SAA4: variants seen among roughly 807,000 people sequenced by gnomAD.
SAA4 encodes serum amyloid A4, constitutive.
A neutral mutation model predicts 11.2 loss-of-function variants in SAA4; 8 were observed. The ratio of observed to expected loss-of-function variants is 0.71; its 90% CI spans 0.42 to 1.29. The LOEUF (loss-of-function observed/expected upper bound fraction) is 1.29, where lower values mean the gene tolerates loss of function less well. SAA4 is among the 50% of genes most tolerant of loss of function. The pLI, the probability that SAA4 is intolerant of heterozygous loss-of-function variation, is 0.01. For synonymous variants in SAA4, 60 were observed against 56.2 expected, an observed-to-expected ratio of 1.07 and a Z score of -0.30; for missense variants, 171 against 164.2, an observed-to-expected ratio of 1.04 and a Z score of -0.23.
intron 2 of SAA4, among the ~76,000 whole-genome samples, chr11:18,232,734 T>A (rs529204490): frequency 1.3e-5 from 2 of 152,232 alleles, no homozygotes; most frequent in East Asian, 3.8e-4. Flanking sequence ...TACATTGAAT[T>A]GTATTGGTTG....
chr11:18,231,790 T>C (rs1367952022), intron 3 of SAA4, 126 bp from the exon 4 acceptor site: 2 of 1,226,050 alleles, frequency 1.6e-6, no homozygotes, highest in Non-Finnish European at 2.2e-6. Flanking sequence ...GCTGGAAAAC[T>C]CAAGGAAAGG....
At chr11:18,232,655 T>C in intron 2 of SAA4, 122 bp from the exon 3 acceptor site, 1 of 1,417,008 alleles carries the variant, frequency 7.1e-7, no homozygotes, top group Non-Finnish European at 9.5e-7. Flanking sequence ...AAATCATACG[T>C]GGAGATAAAC....
At chr11:18,233,780 G>A (rs1293914634) in intron 2 of SAA4, among the ~76,000 whole-genome samples, 1 of 151,678 alleles carries the variant, frequency 6.6e-6, no homozygotes, top group Admixed American at 6.6e-5. Context: ...CTCCCAAAGT[G>A]CTGGGATTAC....
At chr11:18,234,505 C>A (rs932042394) in intron 2 of SAA4, among the ~76,000 whole-genome samples, 1 of 152,180 alleles carries the variant, frequency 6.6e-6, no homozygotes, top group Non-Finnish European at 1.5e-5. Context: ...AAATGTCTAT[C>A]AGTGCCTGTG....
chr11:18,235,750 C>T (rs1857199015), intron 2 of SAA4, 86 bp downstream of exon 2: 1 of 1,366,444 alleles, frequency 7.3e-7, no homozygotes, highest in Non-Finnish European at 1.0e-6. Flanking sequence ...TGTGGCTTCT[C>T]TAAGGAGCAC....
At chr11:18,232,332 C>T (rs1306832244) in intron 3 of SAA4, 63 bp downstream of exon 3, 1 of 1,577,090 alleles carries the variant, frequency 6.3e-7, no homozygotes, top group Non-Finnish European at 8.6e-7. Context: ...ACAGGTTCTC[C>T]TGACTCTCAA....
At chr11:18,232,363 C>T (rs749572001) in intron 3 of SAA4, 32 bp downstream of exon 3, 14 of 1,610,244 alleles carry the variant, frequency 8.7e-6, no homozygotes, top group Non-Finnish European at 1.1e-5. Flanking sequence ...CACTGCTGGC[C>T]TCTCACTGGA....
Sources: allele counts gnomAD v4.1 joint callset (sites outside exome capture counted in the v4.1 genomes callset), GRCh38; gene constraint gnomAD v4.1.1; transcripts MANE v1.5; gene names NCBI Gene and HGNC (gene_info 2026-07-23, HGNC 2026-07-21).